Variants in ANGPT1 observed in about 807,000 individuals in gnomAD.
ANGPT1 encodes the protein angiopoietin-1.
A neutral mutation model predicts 62.2 loss-of-function variants in ANGPT1; 17 were observed. The ratio of observed to expected loss-of-function variants is 0.27; its 90% CI spans 0.19 to 0.41. The LOEUF is 0.41. ANGPT1 is among the 10% of genes least tolerant of loss of function. ANGPT1 has a pLI of 1.00. For synonymous variants in ANGPT1, 199 were observed against 198.9 expected, an observed-to-expected ratio of 1.00 and a Z score of 0.00; for missense variants, 478 against 594.9, an observed-to-expected ratio of 0.80 and a Z score of 2.04.
In ANGPT1 at chr8:107,257,913, G is replaced by T. The variant is rs1309238994; in HGVS notation, c.1337-5898C>A. ...TTTGTTTGTTTGTTTGTTTGTTTTTGACTGTTCTTTCTTTCTCTCTCTCTC... is the reference window on the plus strand; with the variant it reads ...TTTGTTTGTTTGTTTGTTTGTTTTTTACTGTTCTTTCTTTCTCTCTCTCTC... On this transcript the variant is annotated intron_variant, in intron 8 of 8. Transcript: ENST00000517746. Among the ~76,000 whole-genome samples the T allele has an allele frequency of 2.4e-3, 118 of 49,150 alleles. 2 individuals are homozygous for T. Among genetic ancestry groups the T allele is most frequent in the Middle Eastern group, 0.019 (1 of 54 alleles). 32.2% of individuals were successfully genotyped at this position (49,150 alleles called of 152,430 possible).
chr8:107,341,389 G>C (rs1427720476), intron 2 of ANGPT1, among the ~76,000 whole-genome samples: 2 of 151,400 alleles, frequency 1.3e-5, no homozygotes, highest in South Asian at 4.1e-4. Context: ...TCAATATCAG[G>C]GAAAAAAAGT....
intron 1 of ANGPT1, among the ~76,000 whole-genome samples, chr8:107,495,647 A>AT (rs1299277423): frequency 6.6e-6 from 1 of 152,168 alleles, no homozygotes. Flanking sequence ...ATCCAGACTA[A>AT]TATGTAATGA....
chr8:107,264,465 C>T, intron 7 of ANGPT1, 114 bp from the exon 8 acceptor site: 1 of 1,317,044 alleles, frequency 7.6e-7, no homozygotes, highest in Non-Finnish European at 1.0e-6. Context: ...TCTTTGAACT[C>T]AGCCCTTCCA....
chr8:107,431,326 C>T (rs767278828), intron 1 of ANGPT1, among the ~76,000 whole-genome samples: 2 of 152,090 alleles, frequency 1.3e-5, no homozygotes, highest in African/African-American at 2.4e-5. Context: ...TGTCGTGTTG[C>T]CCATTACAAA....
In ANGPT1 at chr8:107,311,031, G is replaced by C. The variant is rs573297649; in HGVS notation, c.809-7664C>G. Among the ~76,000 whole-genome samples the C allele has an allele frequency of 8.8e-4, 131 of 149,098 alleles. 1 individual carries two copies. Among genetic ancestry groups the C allele is most frequent in the African/African-American group, 3.3e-3 (127 of 38,990 alleles). ...TGTGTATGTATGTGAGTGTGTGTGA[G>C]TGTGTGTGTGTTCATCTTCTAGTAT... On this transcript the variant is annotated intron_variant, in intron 4 of 8. Transcript: ENST00000517746.
intron 1 of ANGPT1, among the ~76,000 whole-genome samples, chr8:107,440,406 G>T (rs963285921): frequency 3.3e-5 from 5 of 152,146 alleles, no homozygotes; most frequent in African/African-American, 1.2e-4. Flanking sequence ...TTATAGGCAG[G>T]TAGCAGCCCA....
intron 1 of ANGPT1, among the ~76,000 whole-genome samples, chr8:107,458,439 C>T (rs1452486315): frequency 3.3e-5 from 5 of 152,084 alleles, no homozygotes; most frequent in Non-Finnish European, 7.4e-5. Context: ...ATGGGTTAGA[C>T]ATGCTTCTAG....
intron 1 of ANGPT1, among the ~76,000 whole-genome samples, chr8:107,441,967 G>A (rs1023120672): frequency 3.3e-5 from 5 of 152,070 alleles, no homozygotes; most frequent in African/African-American, 7.2e-5. Context: ...ATCTGTAATC[G>A]CGGCTACTCA....
chr8:107,397,291 C>T (rs1370193907), intron 1 of ANGPT1, among the ~76,000 whole-genome samples: 1 of 152,094 alleles, frequency 6.6e-6, no homozygotes, highest in African/African-American at 2.4e-5. Flanking sequence ...GCCAAGGATA[C>T]CTGAAAGCCC....
intron 7 of ANGPT1, among the ~76,000 whole-genome samples, chr8:107,283,159 A>G (rs1814057023): frequency 6.6e-6 from 1 of 152,248 alleles, no homozygotes; most frequent in African/African-American, 2.4e-5. Flanking sequence ...CAAGTTTCAT[A>G]TAGTTTCAAG....
At chr8:107,436,440 A>G (rs1029660503) in intron 1 of ANGPT1, among the ~76,000 whole-genome samples, 3 of 152,174 alleles carry the variant, frequency 2.0e-5, no homozygotes, top group South Asian at 4.1e-4. Flanking sequence ...TGTACTGTCT[A>G]TTTGTTAGCT....
intron 1 of ANGPT1, among the ~76,000 whole-genome samples, chr8:107,353,899 C>T (rs1433195): frequency 0.16 from 25,050 of 151,926 alleles, 2,640 homozygotes; most frequent in Admixed American, 0.26. Flanking sequence ...GGGAGATGCT[C>T]TCAGATACTG....
At chr8:107,469,491 T>C (rs1175124928) in intron 1 of ANGPT1, among the ~76,000 whole-genome samples, 1 of 152,034 alleles carries the variant, frequency 6.6e-6, no homozygotes, top group East Asian at 1.9e-4. Context: ...AAATGCAACC[T>C]TGGAGAACAA....
In ANGPT1 at chr8:107,347,028, G is replaced by T; in HGVS notation, c.367C>A (p.His123Asn). The change falls in exon 2 of 9, where the codon CAC (histidine) becomes AAC (asparagine). Residue 123 changes from histidine to asparagine, a missense_variant. Around this residue, in one of 4 missense-constraint regions of ANGPT1, gnomAD observed 343 missense variants for 355.4 expected, o/e 0.97. Transcript: ENST00000517746. Reference protein sequence around the residue: ...AQIQQNAVQNHTATMLEIGTS... With the variant: ...AQIQQNAVQNNTATMLEIGTS... ...CCTATCTCCAGCATGGTAGCCGTGTGGTTCTGAACTGCATTCTGCTGTATC... is the reference window on the plus strand; with the variant it reads ...CCTATCTCCAGCATGGTAGCCGTGTTGTTCTGAACTGCATTCTGCTGTATC... 1 of 1,613,872 alleles carries T rather than the reference G, an allele frequency of 6.2e-7. No homozygotes were observed. The highest frequency in any genetic ancestry group is 1.3e-5 in the African/African-American group (1 of 75,004).
intron 8 of ANGPT1, among the ~76,000 whole-genome samples, chr8:107,255,780 C>T (rs571237009): frequency 7.0e-6 from 1 of 142,758 alleles, no homozygotes; most frequent in East Asian, 2.2e-4. Flanking sequence ...TGCACTATTA[C>T]AGCCTGTAAA....
At chr8:107,457,968 A>G (rs768700002) in intron 1 of ANGPT1, among the ~76,000 whole-genome samples, 9 of 152,004 alleles carry the variant, frequency 5.9e-5, no homozygotes, top group African/African-American at 2.2e-4. Context: ...TCCTCCTATA[A>G]AAGCTATTCT....
chr8:107,349,048 G>T (rs1256711896), intron 1 of ANGPT1, among the ~76,000 whole-genome samples: 1 of 151,996 alleles, frequency 6.6e-6, no homozygotes, highest in Non-Finnish European at 1.5e-5. Flanking sequence ...TACAGTTGAT[G>T]CCCGATTTTG....
At chr8:107,320,833 T>C (rs6981192) in intron 4 of ANGPT1, among the ~76,000 whole-genome samples, 6,845 of 152,222 alleles carry the variant, frequency 0.045, 432 homozygotes, top group African/African-American at 0.14. Context: ...TTCATAACTA[T>C]AGATGAAAGC....
intron 1 of ANGPT1, among the ~76,000 whole-genome samples, chr8:107,473,049 C>T (rs1812404179): frequency 6.6e-6 from 1 of 152,046 alleles, no homozygotes; most frequent in Admixed American, 6.6e-5. Flanking sequence ...AATAAGACTT[C>T]ATGACATAAA....
Sources: gnomAD v4.1 joint callset for allele counts (sites outside exome capture counted in the v4.1 genomes callset) on GRCh38, gnomAD v4.1.1 for gene constraint, gnomAD v4.1.1 regional missense constraint, MANE v1.5 for transcripts, NCBI Gene and HGNC (gene_info 2026-07-23, HGNC 2026-07-21) for gene names.